The following ZNF536 variants were observed in gnomAD, a reference collection of about 807,000 sequenced individuals.
ZNF536 encodes the protein zinc finger protein 536.
In ZNF536, 13 loss-of-function variants were observed where a neutral mutation model predicts 84.5. The observed-to-expected ratio is 0.15, with a 90% CI of 0.10 to 0.24. The LOEUF (loss-of-function observed/expected upper bound fraction) is 0.24, where lower values mean the gene tolerates loss of function less well. Ranked by LOEUF, ZNF536 falls within the 10% of genes least tolerant of loss-of-function variation. The pLI is 1.00. For synonymous variants in ZNF536, 811 were observed against 742.5 expected, an observed-to-expected ratio of 1.09 and a Z score of -1.50; for missense variants, 1,536 against 1,747.5, an observed-to-expected ratio of 0.88 and a Z score of 2.16.
intron 2 of ZNF536, among the ~76,000 whole-genome samples, chr19:30,516,355 G>A (rs1249841247): frequency 1.3e-5 from 2 of 152,206 alleles, no homozygotes; most frequent in East Asian, 3.8e-4. Context: ...AACCTGTGCA[G>A]GGCAGGCTCT....
At position 30,383,677 on chromosome 19, in the gene ZNF536, TTTCTTCCTTC is replaced by T. The variant is rs1457857992; in HGVS notation, c.-3+11122_-3+11131del. The stretch of plus-strand genomic sequence containing the variant: ...TTCTCTCTTTCTCTTTCTTTCTTCC[TTTCTTCCTTC>T]CTTTCTTTTCTTTCTCTTTCTTTCT... On this transcript the variant is annotated intron_variant, in intron 1 of 4. Transcript: ENST00000355537. Among the ~76,000 whole-genome samples, 18 of 12,136 alleles carry T rather than the reference TTTCTTCCTTC, an allele frequency of 1.5e-3. 2 individuals are homozygous for T. The highest frequency in any genetic ancestry group is 6.1e-3 in the African/African-American group (18 of 2,968). 8.0% of individuals were successfully genotyped at this position (12,136 alleles called of 152,430 possible).
intron 2 of ZNF536, among the ~76,000 whole-genome samples, chr19:30,324,230 A>G (rs1237229085): frequency 1.3e-5 from 2 of 151,922 alleles, no homozygotes; most frequent in African/African-American, 4.8e-5. Flanking sequence ...CTGTCTAGCC[A>G]TCCATCCACC....
rs1400930350 is a variant in ZNF536, at chr19:30,228,734, G to GTGCCGCGAGC, written c.-190+65_-190+74dup. On this transcript the variant is annotated intron_variant, in intron 1 of 5. Transcript: ENST00000585628. The surrounding 1 kb of genome is among the most constrained non-coding windows in gnomAD (Gnocchi z 4.5). The stretch of plus-strand genomic sequence containing the variant: ...GTGAGCGCGCAAAGCCGGGAGCGAG[G>GTGCCGCGAGC]TGCCGCGAGCTGCGCGCCGCCCCGG... 6.6e-6 allele frequency: 1 copy of GTGCCGCGAGC among 151,182 alleles called. No homozygotes were observed. The highest frequency in any genetic ancestry group is 2.4e-5 in the African/African-American group (1 of 41,308). The allele number at this position is 151,182 out of a possible 1,614,324, so 9.4% of individuals were successfully genotyped here. A position where few individuals can be genotyped will look rare whatever the true frequency, so the allele number is the denominator to read the frequency against.
chr19:30,269,165 C>T (rs1319207451), intron 1 of ZNF536, among the ~76,000 whole-genome samples: 1 of 152,162 alleles, frequency 6.6e-6, no homozygotes, highest in African/African-American at 2.4e-5. Context: ...TTTCTTTTGG[C>T]GAGTGTGTTG....
intron 1 of ZNF536, among the ~76,000 whole-genome samples, chr19:30,250,623 C>T (rs939622631): frequency 6.6e-6 from 1 of 152,172 alleles, no homozygotes; most frequent in Admixed American, 6.5e-5. Context: ...GATGAGTCTT[C>T]TACTTAGAGA....
chr19:30,363,578 C>T (rs765789590), intron 3 of ZNF536, among the ~76,000 whole-genome samples: 6 of 152,122 alleles, frequency 3.9e-5, no homozygotes, highest in Non-Finnish European at 8.8e-5. Flanking sequence ...TCACAAACCA[C>T]ATCGCAAAGT....
At chr19:30,527,043 C>T (rs906797159) in intron 2 of ZNF536, among the ~76,000 whole-genome samples, 12 of 151,724 alleles carry the variant, frequency 7.9e-5, no homozygotes, top group Non-Finnish European at 1.5e-4. Context: ...CTCAGCCTCC[C>T]GAATAGCCGG....
At chr19:30,583,877 G>A (rs897789156) in intron 1 of ZNF536, among the ~76,000 whole-genome samples, 2 of 152,174 alleles carry the variant, frequency 1.3e-5, no homozygotes, top group Admixed American at 6.5e-5. Flanking sequence ...CCCGAGAGCC[G>A]TGATTCTGGC....
intron 1 of ZNF536, among the ~76,000 whole-genome samples, chr19:30,637,892 G>GT (rs1360050030): frequency 2.6e-5 from 4 of 151,976 alleles, no homozygotes; most frequent in Admixed American, 1.3e-4. Flanking sequence ...TATTTCGAGG[G>GT]TTTTTTTGCA....
chr19:30,464,326 G>A (rs1325536671), intron 2 of ZNF536, among the ~76,000 whole-genome samples: 1 of 152,020 alleles, frequency 6.6e-6, no homozygotes, highest in Non-Finnish European at 1.5e-5. Context: ...CAGCCAGCTG[G>A]GGGTGTCGAC....
intron 1 of ZNF536, among the ~76,000 whole-genome samples, chr19:30,568,494 G>A (rs1343897128): frequency 1.3e-5 from 2 of 152,168 alleles, no homozygotes; most frequent in African/African-American, 2.4e-5. Flanking sequence ...AGGCAAAGGT[G>A]CAAGTATTGA....
intron 1 of ZNF536, among the ~76,000 whole-genome samples, chr19:30,264,230 G>A (rs948489333): frequency 6.6e-6 from 1 of 152,176 alleles, no homozygotes; most frequent in Non-Finnish European, 1.5e-5. Flanking sequence ...CTATAATTCA[G>A]ATGTGCTGAT....
chr19:30,284,968 C>A (rs1190081969), intron 2 of ZNF536, among the ~76,000 whole-genome samples: 1 of 152,286 alleles, frequency 6.6e-6, no homozygotes, highest in Non-Finnish European at 1.5e-5. Context: ...GATTTTTACA[C>A]AACAGTTATA....
intron 2 of ZNF536, among the ~76,000 whole-genome samples, chr19:30,449,735 T>C (rs571955899): frequency 2.0e-4 from 31 of 152,314 alleles, no homozygotes; most frequent in African/African-American, 7.5e-4. Flanking sequence ...ACTTCTGGTA[T>C]AATATTTTGA....
intron 3 of ZNF536, among the ~76,000 whole-genome samples, chr19:30,360,662 G>A (rs1251429211): frequency 6.6e-6 from 1 of 152,232 alleles, no homozygotes; most frequent in African/African-American, 2.4e-5. Flanking sequence ...TGGAAGGAGG[G>A]AAGGCGTTTG....
At chr19:30,534,203 T>G (rs2044975529) in intron 2 of ZNF536, among the ~76,000 whole-genome samples, 2 of 152,222 alleles carry the variant, frequency 1.3e-5, no homozygotes, top group South Asian at 4.1e-4. Flanking sequence ...GCTGAGTCTC[T>G]GCATATGACT....
chr19:30,241,177 G>C (rs936475558), intron 1 of ZNF536, among the ~76,000 whole-genome samples: 1 of 152,152 alleles, frequency 6.6e-6, no homozygotes, highest in Non-Finnish European at 1.5e-5. Context: ...AATTAGCTGG[G>C]TGTGGTGGTG....
intron 1 of ZNF536, among the ~76,000 whole-genome samples, chr19:30,249,300 A>G (rs970868728): frequency 6.7e-6 from 1 of 149,654 alleles, no homozygotes; most frequent in South Asian, 2.2e-4. Flanking sequence ...TAATGTTAGT[A>G]TTAGTCTTAG....
intron 1 of ZNF536, among the ~76,000 whole-genome samples, chr19:30,629,868 C>G (rs1453776654): frequency 6.6e-6 from 1 of 152,242 alleles, no homozygotes; most frequent in Non-Finnish European, 1.5e-5. Flanking sequence ...CAGCAGCTCA[C>G]AGTGACACAG....
Sources: gnomAD v4.1 joint callset for allele counts (sites outside exome capture counted in the v4.1 genomes callset) on GRCh38, gnomAD v4.1.1 for gene constraint, Gnocchi (gnomAD v3.1) non-coding constraint, MANE v1.5 for transcripts, NCBI Gene and HGNC (gene_info 2026-07-23, HGNC 2026-07-21) for gene names.